The following DOK5 variants were observed in gnomAD, a reference collection of about 807,000 sequenced individuals.
The protein encoded by DOK5 is docking protein 5.
In DOK5, 27 loss-of-function variants were observed where a neutral mutation model predicts 43.3. That is an observed-to-expected ratio of 0.62 (90% CI 0.46 to 0.86). DOK5 has a LOEUF of 0.86. DOK5 is among the 40% of genes least tolerant of loss of function. DOK5 has a pLI of 0.00. For missense variants in DOK5, 373 were observed against 392.9 expected (o/e 0.95, Z 0.43); for synonymous variants, 146 against 140.1 (o/e 1.04, Z -0.30).
chr20:54,647,377 C>A (rs998820431), intron 7 of DOK5, among the ~76,000 whole-genome samples: 1 of 151,850 alleles, frequency 6.6e-6, no homozygotes, highest in Non-Finnish European at 1.5e-5. Flanking sequence ...TGGTGGCGGG[C>A]GCCTGTAATT....
chr20:54,586,281 A>G (rs1054632250), intron 2 of DOK5, among the ~76,000 whole-genome samples: 1 of 152,220 alleles, frequency 6.6e-6, no homozygotes, highest in African/African-American at 2.4e-5. Context: ...AGCTTCATGC[A>G]GCATTTATGA....
intron 6 of DOK5, among the ~76,000 whole-genome samples, chr20:54,619,035 A>T (rs1306247489): frequency 2.8e-5 from 2 of 71,334 alleles, no homozygotes; most frequent in Non-Finnish European, 4.9e-5. Flanking sequence ...ATATATATAT[A>T]TATATATATA....
intron 1 of DOK5, among the ~76,000 whole-genome samples, chr20:54,547,433 T>C (rs1203149367): frequency 6.6e-6 from 1 of 152,220 alleles, no homozygotes; most frequent in Non-Finnish European, 1.5e-5. Flanking sequence ...ATTGTTACTC[T>C]TTAAGACATT....
chr20:54,531,315 G>A (rs1185334009), intron 1 of DOK5, among the ~76,000 whole-genome samples: 1 of 152,174 alleles, frequency 6.6e-6, no homozygotes, highest in Non-Finnish European at 1.5e-5. Flanking sequence ...GAACCCCAGA[G>A]CTCCAAAAGA....
At chr20:54,630,950 T>A (rs1021096328) in intron 6 of DOK5, among the ~76,000 whole-genome samples, 41 of 151,976 alleles carry the variant, frequency 2.7e-4, no homozygotes, top group African/African-American at 9.4e-4. Context: ...GAAAAAAAAA[T>A]ATTACAGAGG....
intron 1 of DOK5, among the ~76,000 whole-genome samples, chr20:54,505,776 C>T (rs575132376): frequency 6.6e-6 from 1 of 152,012 alleles, no homozygotes; most frequent in Non-Finnish European, 1.5e-5. Flanking sequence ...GGGTTCCAGG[C>T]AGAAGGAACA....
intron 1 of DOK5, among the ~76,000 whole-genome samples, chr20:54,548,007 G>A (rs2146722088): frequency 6.6e-6 from 1 of 152,264 alleles, no homozygotes; most frequent in South Asian, 2.1e-4. Flanking sequence ...TTCAGTGGAG[G>A]TGGGAGAATC....
intron 2 of DOK5, among the ~76,000 whole-genome samples, chr20:54,584,774 T>C (rs533598402): frequency 6.3e-4 from 93 of 146,642 alleles, no homozygotes; most frequent in African/African-American, 1.7e-3. Flanking sequence ...TATCTAGATA[T>C]ACACACACAC....
At chr20:54,519,850 T>C (rs1983331233) in intron 1 of DOK5, among the ~76,000 whole-genome samples, 1 of 152,236 alleles carries the variant, frequency 6.6e-6, no homozygotes, top group Admixed American at 6.5e-5. Flanking sequence ...TTCAAGGAGA[T>C]GTGATGCATT....
chr20:54,613,203 T>TCTCTCTCGTCAC (rs1311109738), intron 6 of DOK5, among the ~76,000 whole-genome samples: 1 of 151,458 alleles, frequency 6.6e-6, no homozygotes, highest in Non-Finnish European at 1.5e-5. Flanking sequence ...TCTCTCTCTC[T>TCTCTCTCGTCAC]CTCTCTCTCT....
At chr20:54,516,518 T>C (rs6023340) in intron 1 of DOK5, among the ~76,000 whole-genome samples, 2,545 of 152,270 alleles carry the variant, frequency 0.017, 72 homozygotes, top group African/African-American at 0.058. Flanking sequence ...CTTCCTTGGG[T>C]TGTGGGTAGA....
intron 2 of DOK5, among the ~76,000 whole-genome samples, chr20:54,558,659 C>T (rs928011905): frequency 1.3e-5 from 2 of 152,022 alleles, no homozygotes; most frequent in Admixed American, 1.3e-4. Context: ...TAAATAAAGC[C>T]GTTTCCAAAA....
intron 2 of DOK5, among the ~76,000 whole-genome samples, chr20:54,581,391 G>GA (rs59020203): frequency 4.4e-4 from 62 of 140,632 alleles, no homozygotes; most frequent in East Asian, 1.1e-3. Flanking sequence ...TCCTATTTCT[G>GA]AAAAAAAAAA....
At chr20:54,573,686 CAAAAAAA>C (rs1321685949) in intron 2 of DOK5, among the ~76,000 whole-genome samples, 1 of 50,966 alleles carries the variant, frequency 2.0e-5, no homozygotes, top group Non-Finnish European at 4.1e-5. Context: ...GACTCCATCT[CAAAAAAA>C]AAAAAAAAAA....
At chr20:54,505,628 G>T (rs1982774576) in intron 1 of DOK5, among the ~76,000 whole-genome samples, 1 of 151,870 alleles carries the variant, frequency 6.6e-6, no homozygotes. Context: ...GTATGGAGGG[G>T]GAAATGCAGG....
At chr20:54,603,069 G>A (rs904026377) in intron 5 of DOK5, among the ~76,000 whole-genome samples, 1 of 152,200 alleles carries the variant, frequency 6.6e-6, no homozygotes, top group African/African-American at 2.4e-5. Context: ...ATTCGTTTAA[G>A]GAAAATAAAG....
intron 1 of DOK5, among the ~76,000 whole-genome samples, chr20:54,482,124 C>T (rs574395772): frequency 3.2e-4 from 48 of 152,234 alleles, no homozygotes; most frequent in African/African-American, 6.3e-4. Flanking sequence ...TATAAGATTT[C>T]GCCTTTATAA....
chr20:54,610,693 C>T (rs556255318), intron 6 of DOK5, among the ~76,000 whole-genome samples, 170 bp downstream of exon 6: 9 of 152,288 alleles, frequency 5.9e-5, no homozygotes, highest in East Asian at 1.9e-4. Context: ...TGATGTGGGC[C>T]GTTGGTAATA....
chr20:54,562,768 G>T (rs574576717), intron 2 of DOK5, among the ~76,000 whole-genome samples: 1 of 151,376 alleles, frequency 6.6e-6, no homozygotes, highest in Non-Finnish European at 1.5e-5. Flanking sequence ...ACATACAGAA[G>T]GTTAAAAAAA....
Sources: gnomAD v4.1 joint callset for allele counts (sites outside exome capture counted in the v4.1 genomes callset) on GRCh38, gnomAD v4.1.1 for gene constraint, MANE v1.5 for transcripts, NCBI Gene and HGNC (gene_info 2026-07-23, HGNC 2026-07-21) for gene names.